The following ZNF407 variants were observed in gnomAD, a reference collection of about 807,000 sequenced individuals.
The protein encoded by ZNF407 is zinc finger protein 407.
Under a neutral mutation model 131.2 loss-of-function variants are expected in ZNF407, and 17 were observed. The observed-to-expected ratio is 0.13, with a 90% CI of 0.09 to 0.19. The LOEUF is 0.19. Among genes scored for constraint, ZNF407 ranks in the 10% least tolerant of loss-of-function variants. ZNF407 has a pLI of 1.00. For synonymous variants in ZNF407, 1,156 were observed against 1,062.0 expected, an observed-to-expected ratio of 1.09 and a Z score of -1.72; for missense variants, 2,681 against 2,830.6, an observed-to-expected ratio of 0.95 and a Z score of 1.20.
intron 1 of ZNF407, among the ~76,000 whole-genome samples, chr18:74,622,557 C>T (rs910594612): frequency 6.6e-6 from 1 of 152,190 alleles, no homozygotes; most frequent in African/African-American, 2.4e-5. Flanking sequence ...TTTTCATACA[C>T]GCGTGTGTAT....
intron 4 of ZNF407, among the ~76,000 whole-genome samples, chr18:74,826,526 A>G (rs2145110919): frequency 1.3e-5 from 2 of 152,288 alleles, no homozygotes; most frequent in Middle Eastern, 6.8e-3. Context: ...CCTTTGGGAA[A>G]TACCCATGTC....
chr18:74,632,347 G>A lies in ZNF407; in HGVS notation c.1328G>A (p.Arg443Lys), dbSNP rs749381859. The A allele has an allele frequency of 4.3e-6, 7 of 1,613,860 alleles. No homozygotes were observed. The highest frequency in any genetic ancestry group is 4.2e-6 in the Non-Finnish European group (5 of 1,179,910). The change falls in exon 2 of 9, where the codon AGG (arginine) becomes AAG (lysine). Residue 443 changes from arginine to lysine, a missense_variant. This residue lies in a region of ZNF407 where 1,789 missense variants were observed against 1,748.7 expected (regional missense o/e 1.02). Transcript: ENST00000299687. The stretch of plus-strand genomic sequence containing the variant: ...ACCTTGAAGGGCCAGGCAAAGAAAA[G>A]GTTTAATCTTTTAGGAATTAAAAGA... ...TFTLKGQAKK[R>K]FNLLGIKRGT... is the part of the protein sequence containing the mutation.
chr18:74,940,321 A>G (rs1327366598), intron 8 of ZNF407, among the ~76,000 whole-genome samples: 1 of 152,138 alleles, frequency 6.6e-6, no homozygotes, highest in African/African-American at 2.4e-5. Flanking sequence ...CACTGAGGGC[A>G]TGGAAACGCC....
chr18:74,823,772 A>G (rs936825034), intron 4 of ZNF407, among the ~76,000 whole-genome samples: 2 of 152,222 alleles, frequency 1.3e-5, no homozygotes, highest in Non-Finnish European at 2.9e-5. Context: ...GGGAGGCTTT[A>G]TCACCCCACT....
At chr18:75,002,737 G>A (rs573427275) in intron 8 of ZNF407, among the ~76,000 whole-genome samples, 1 of 151,084 alleles carries the variant, frequency 6.6e-6, no homozygotes, top group Non-Finnish European at 1.5e-5. Context: ...CCCGGGAGGT[G>A]GAGCTTGCAG....
At chr18:74,834,901 T>C (rs1970534264) in intron 4 of ZNF407, among the ~76,000 whole-genome samples, 1 of 152,224 alleles carries the variant, frequency 6.6e-6, no homozygotes, top group Admixed American at 6.5e-5. Flanking sequence ...GGATCAAACA[T>C]GACTTTCTGC....
chr18:74,954,851 G>A (rs1180317182), intron 8 of ZNF407, among the ~76,000 whole-genome samples: 1 of 152,146 alleles, frequency 6.6e-6, no homozygotes, highest in Non-Finnish European at 1.5e-5. Context: ...TCCAGTACTT[G>A]ACGAAGGAAA....
intron 4 of ZNF407, among the ~76,000 whole-genome samples, chr18:74,794,235 TCCGG>T (rs927414025): frequency 6.6e-6 from 1 of 152,188 alleles, no homozygotes; most frequent in Admixed American, 6.5e-5. Context: ...TGTGTATTTT[TCCGG>T]CCAACTCCAT....
At chr18:74,675,586 G>A (rs1986322009) in intron 3 of ZNF407, among the ~76,000 whole-genome samples, 1 of 152,214 alleles carries the variant, frequency 6.6e-6, no homozygotes, top group Non-Finnish European at 1.5e-5. Context: ...GTAAAAAGGA[G>A]AGAAAGCTTT....
intron 3 of ZNF407, among the ~76,000 whole-genome samples, chr18:74,668,156 C>T (rs1599054350): frequency 6.6e-6 from 1 of 152,152 alleles, no homozygotes; most frequent in Admixed American, 6.5e-5. Context: ...ACATTTTCCA[C>T]CTAACTTCGC....
chr18:74,658,462 C>G (rs1209749833), intron 3 of ZNF407, among the ~76,000 whole-genome samples: 2 of 151,974 alleles, frequency 1.3e-5, no homozygotes, highest in Admixed American at 1.3e-4. Flanking sequence ...ATATATTTTC[C>G]TAACTACTAT....
At chr18:74,725,490 G>A (rs1436944272) in intron 3 of ZNF407, among the ~76,000 whole-genome samples, 2 of 152,108 alleles carry the variant, frequency 1.3e-5, no homozygotes, top group Non-Finnish European at 2.9e-5. Context: ...AGTTTCTTTA[G>A]TATATCACTT....
intron 4 of ZNF407, among the ~76,000 whole-genome samples, chr18:74,821,605 A>AT (rs1204752401): frequency 6.6e-6 from 1 of 152,048 alleles, no homozygotes; most frequent in Non-Finnish European, 1.5e-5. Context: ...TGAACTCATC[A>AT]TTTTTTATGG....
At chr18:74,656,365 A>G (rs188559983) in intron 3 of ZNF407, among the ~76,000 whole-genome samples, 3 of 152,274 alleles carry the variant, frequency 2.0e-5, no homozygotes, top group Admixed American at 1.3e-4. Flanking sequence ...ACATACGTAC[A>G]TACATACATT....
rs545940836 is a variant in ZNF407 at position 74,762,283 on chromosome 18, G to A, written c.4803-19145G>A. ...AAAATTAATAAAGCAAAAAGGTAAA[G>A]AAGAGCAAAAAATAAACATATATCT... On this transcript the variant is annotated intron_variant, in intron 3 of 8. Transcript: ENST00000299687. 3.7e-4 allele frequency among the ~76,000 whole-genome samples: 56 copies of A among 152,058 alleles called. 1 individual carries two copies. Among genetic ancestry groups the A allele is most frequent in the Non-Finnish European group, 7.1e-4 (48 of 67,962 alleles).
chr18:74,740,173 CCTCT>C (rs1968515884), intron 3 of ZNF407, among the ~76,000 whole-genome samples: 2 of 152,230 alleles, frequency 1.3e-5, no homozygotes, highest in South Asian at 4.2e-4. Flanking sequence ...GCATTCTTTG[CCTCT>C]CTCAGTTTCT....
chr18:74,724,605 T>C (rs943682947), intron 3 of ZNF407, among the ~76,000 whole-genome samples: 1 of 152,176 alleles, frequency 6.6e-6, no homozygotes, highest in Non-Finnish European at 1.5e-5. Context: ...AAAATATATA[T>C]AGATTTAAAA....
At chr18:74,733,442 T>C (rs1968340096) in intron 3 of ZNF407, among the ~76,000 whole-genome samples, 1 of 152,204 alleles carries the variant, frequency 6.6e-6, no homozygotes, top group Admixed American at 6.5e-5. Flanking sequence ...TTTGAAGTAC[T>C]ACTATACAAT....
chr18:74,768,652 TATAG>T (rs993336673), intron 3 of ZNF407, among the ~76,000 whole-genome samples: 3 of 152,192 alleles, frequency 2.0e-5, no homozygotes, highest in African/African-American at 7.2e-5. Flanking sequence ...GTATACTGTA[TATAG>T]ATAGATAGAT....
Sources: allele counts gnomAD v4.1 joint callset (sites outside exome capture counted in the v4.1 genomes callset), GRCh38; gene constraint gnomAD v4.1.1; regional missense constraint gnomAD v4.1.1; transcripts MANE v1.5; gene names NCBI Gene and HGNC (gene_info 2026-07-23, HGNC 2026-07-21).